GSE1: variants seen among roughly 807,000 people sequenced by gnomAD.
GSE1 encodes genetic suppressor element 1.
In GSE1, 32 loss-of-function variants were observed where a neutral mutation model predicts 112.6. The ratio of observed to expected loss-of-function variants is 0.28; its 90% CI spans 0.21 to 0.38. The LOEUF (loss-of-function observed/expected upper bound fraction) is 0.38, where lower values mean the gene tolerates loss of function less well. GSE1 is among the 10% of genes least tolerant of loss of function. GSE1 has a pLI of 1.00. For missense variants in GSE1, 2,348 were observed against 1,699.2 expected, an observed-to-expected ratio of 1.38 and a Z score of -6.71; for synonymous variants, 1,115 against 735.6, an observed-to-expected ratio of 1.52 and a Z score of -8.35.
At chr16:85,288,347 G>C (rs1005588374) in intron 1 of GSE1, among the ~76,000 whole-genome samples, 1 of 152,238 alleles carries the variant, frequency 6.6e-6, no homozygotes, top group Non-Finnish European at 1.5e-5. Flanking sequence ...TGGGGTGCCA[G>C]AGCTGGAGGA....
intron 1 of GSE1, among the ~76,000 whole-genome samples, chr16:85,268,306 C>T (rs775474941): frequency 5.9e-5 from 9 of 152,106 alleles, no homozygotes; most frequent in Non-Finnish European, 1.3e-4. Context: ...TGTACTCCCC[C>T]CGCAGTCCTC....
intron 2 of GSE1, among the ~76,000 whole-genome samples, chr16:85,462,714 G>T: frequency 2.6e-5 from 1 of 37,774 alleles, no homozygotes; most frequent in African/African-American, 1.2e-4. Flanking sequence ...GGAGGGAGGC[G>T]GGAGGCGGGA....
intron 1 of GSE1, among the ~76,000 whole-genome samples, chr16:85,272,558 C>T (rs1908946184): frequency 6.6e-6 from 1 of 152,066 alleles, no homozygotes; most frequent in South Asian, 2.1e-4. Flanking sequence ...CCCTCAGGCC[C>T]AGGCAGTGGG....
At chr16:85,171,592 G>A (rs2074359719) in exon 1 of GSE1, 1 of 985,490 alleles carries the variant, frequency 1.0e-6, no homozygotes, top group South Asian at 4.7e-5. Context: ...TTGTCAGCAG[G>A]AGAAGAAACG....
chr16:85,371,491 G>A (rs550111192), intron 2 of GSE1, among the ~76,000 whole-genome samples: 22 of 152,308 alleles, frequency 1.4e-4, no homozygotes, highest in Admixed American at 2.6e-4. Flanking sequence ...GTGACCTCAG[G>A]GACAGGCATA....
intron 3 of GSE1, among the ~76,000 whole-genome samples, chr16:85,651,589 A>G (rs1372541212): frequency 6.6e-6 from 1 of 151,986 alleles, no homozygotes; most frequent in Non-Finnish European, 1.5e-5. Flanking sequence ...GACCCGGCCC[A>G]CGGCGCGGGC....
At chr16:85,554,918 T>G, upstream of GSE1, 1 of 985,352 alleles carries the variant, frequency 1.0e-6, no homozygotes, top group Non-Finnish European at 1.2e-6. Context: ...GGGAGCACCC[T>G]GCCTTCGGCA....
At chr16:85,171,941 A>AG in intron 1 of GSE1, 1 of 431,478 alleles carries the variant, frequency 2.3e-6, no homozygotes, top group Non-Finnish European at 3.1e-6. Flanking sequence ...GTTCCGGGGG[A>AG]GGTACCCTCC....
intron 14 of GSE1, among the ~76,000 whole-genome samples, chr16:85,669,389 A>G (rs2053143510): frequency 6.6e-6 from 1 of 152,262 alleles, no homozygotes; most frequent in Non-Finnish European, 1.5e-5. Flanking sequence ...AATACTTAGA[A>G]AAGTAGTTTT....
At chr16:85,259,671 G>C (rs1907463069) in intron 1 of GSE1, among the ~76,000 whole-genome samples, 1 of 152,176 alleles carries the variant, frequency 6.6e-6, no homozygotes, top group Non-Finnish European at 1.5e-5. Context: ...AGAGGAGAGG[G>C]GAATTGAGAG....
chr16:85,642,802 AGCTCG>A (rs2050550613), intron 2 of GSE1, among the ~76,000 whole-genome samples: 2 of 152,072 alleles, frequency 1.3e-5, no homozygotes, highest in Non-Finnish European at 2.9e-5. Context: ...GCCTGAGCCG[AGCTCG>A]GCTGGGGAGT....
intron 2 of GSE1, among the ~76,000 whole-genome samples, chr16:85,539,015 A>G (rs1224130660): frequency 6.6e-6 from 1 of 152,188 alleles, no homozygotes; most frequent in Non-Finnish European, 1.5e-5. Flanking sequence ...GTGCTCTTCA[A>G]GGCCGGTGCC....
chr16:85,610,458 C>A (rs547995960), upstream of GSE1, among the ~76,000 whole-genome samples: 102 of 152,334 alleles, frequency 6.7e-4, no homozygotes, highest in African/African-American at 2.4e-3. Context: ...AGCCTTAGCC[C>A]CAGTGCTGGG....
Position 85,275,787 on chromosome 16 carries a change from C to G in GSE1, c.2284-81676C>G, listed in dbSNP as rs920277301. Among the ~76,000 whole-genome samples the G allele has an allele frequency of 7.9e-5, 12 of 152,296 alleles. No individual in the cohort carries two copies. In the South Asian group the frequency reaches 1.9e-3, roughly 24 times the overall value. ...TGAACCGGGGCGCTGAGCCCCATGT[C>G]CCCAGCAGATGGCGCCCTCGGCCTG... On this transcript the variant is annotated intron_variant, in intron 1 of 2. Transcript: ENST00000637419.
chr16:85,276,006 C>T (rs1289763382), intron 1 of GSE1, among the ~76,000 whole-genome samples: 2 of 152,202 alleles, frequency 1.3e-5, no homozygotes, highest in Non-Finnish European at 2.9e-5. Flanking sequence ...CAGCGATGGG[C>T]AAACAGGGAC....
intron 3 of GSE1, among the ~76,000 whole-genome samples, chr16:85,652,671 C>T (rs1027728872): frequency 6.6e-6 from 1 of 152,140 alleles, no homozygotes; most frequent in Non-Finnish European, 1.5e-5. Context: ...GTGCTGCTGC[C>T]GGGTCACCGT....
In GSE1 at chr16:85,313,355, C is replaced by T. The variant is rs1010116695; in HGVS notation, c.2284-44108C>T. On this transcript the variant is annotated intron_variant, in intron 1 of 2. Coordinates refer to the GSE1 transcript ENST00000637419. ...GGCTTGACCTTGTCCAGCGTGATTC[C>T]GTGTTTGGGGAGGGCTGCCCCTGCC... is the stretch of plus-strand genomic sequence containing the variant. Among the ~76,000 whole-genome samples the T allele has an allele frequency of 2.0e-5, 3 of 152,122 alleles. No individual in the cohort carries two copies. The East Asian group carries it at 5.8e-4, about 29-fold the overall frequency.
At chr16:85,328,957 C>T (rs1230921232) in intron 1 of GSE1, among the ~76,000 whole-genome samples, 1 of 152,238 alleles carries the variant, frequency 6.6e-6, no homozygotes, top group African/African-American at 2.4e-5. Context: ...GCTGATGCCC[C>T]TCCAGGACTG....
In GSE1 at chr16:85,295,131, C is replaced by G. The variant is rs114557947; in HGVS notation, c.2284-62332C>G. Among the ~76,000 whole-genome samples the G allele has an allele frequency of 4.9e-3, 739 of 152,246 alleles. 5 individuals are homozygous for G. The highest frequency in any genetic ancestry group is 0.017 in the African/African-American group (716 of 41,534). ...AACCTGAATTTGAGGGAGATACATT[C>G]AGTGCATAGCATCACCCCAAAAGGA... On this transcript the variant is annotated intron_variant, in intron 1 of 2. Coordinates refer to the GSE1 transcript ENST00000637419.
Sources: allele counts gnomAD v4.1 joint callset (sites outside exome capture counted in the v4.1 genomes callset), GRCh38; gene constraint gnomAD v4.1.1; transcripts MANE v1.5; gene names NCBI Gene and HGNC (gene_info 2026-07-23, HGNC 2026-07-21).